Variants in RMST observed in about 807,000 individuals in gnomAD.
The protein encoded by RMST is long intergenic non-protein coding RNA 54.
intron 5 of RMST, among the ~76,000 whole-genome samples, chr12:97,477,727 A>G (rs1399920344): frequency 6.6e-6 from 1 of 152,224 alleles, no homozygotes; most frequent in Non-Finnish European, 1.5e-5. Flanking sequence ...TGTCTCTGCA[A>G]TGAGGAAGAG....
At chr12:97,503,443 T>C (rs1878311212) in intron 10 of RMST, among the ~76,000 whole-genome samples, 1 of 144,416 alleles carries the variant, frequency 6.9e-6, no homozygotes, top group Non-Finnish European at 1.6e-5. Context: ...TTATTGTTTA[T>C]TTTTTTTAAT....
At chr12:97,505,774 G>A (rs911191531) in intron 10 of RMST, among the ~76,000 whole-genome samples, 3 of 152,138 alleles carry the variant, frequency 2.0e-5, no homozygotes, top group Non-Finnish European at 4.4e-5. Flanking sequence ...TCACTGCCAT[G>A]ACAAGGTGCT....
chr12:97,507,336 C>G (rs952227178), intron 10 of RMST, among the ~76,000 whole-genome samples: 16 of 145,848 alleles, frequency 1.1e-4, no homozygotes, highest in Non-Finnish European at 2.2e-4. Context: ...AATATGCATA[C>G]TGGCATGTGG....
chr12:97,506,651 G>A (rs1018021974), intron 10 of RMST, among the ~76,000 whole-genome samples: 4 of 151,114 alleles, frequency 2.6e-5, no homozygotes, highest in East Asian at 1.9e-4. Flanking sequence ...TGAAGCATGC[G>A]GATTGAAGAC....
At chr12:97,463,458 G>A (rs887848396) in intron 4 of RMST, among the ~76,000 whole-genome samples, 3 of 152,202 alleles carry the variant, frequency 2.0e-5, no homozygotes, top group African/African-American at 7.2e-5. Context: ...AATCGTCGGA[G>A]GTGAAGTGTG....
At chr12:97,547,974 C>G (rs970798029) in intron 11 of RMST, among the ~76,000 whole-genome samples, 1 of 151,936 alleles carries the variant, frequency 6.6e-6, no homozygotes, top group African/African-American at 2.4e-5. Context: ...ATTACCTACA[C>G]CAATGTCATG....
chr12:97,556,769 T>C (rs1195687865), intron 11 of RMST, among the ~76,000 whole-genome samples: 2 of 152,162 alleles, frequency 1.3e-5, no homozygotes, highest in East Asian at 3.8e-4. Context: ...TTTTTGAAGT[T>C]ACCCTTTTAA....
At chr12:97,521,746 A>G (rs1193859062) in intron 10 of RMST, among the ~76,000 whole-genome samples, 1 of 152,172 alleles carries the variant, frequency 6.6e-6, no homozygotes, top group Non-Finnish European at 1.5e-5. Flanking sequence ...CTTTAGGCAG[A>G]GCCTCTCTGA....
chr12:97,511,351 G>A (rs1484016359), intron 10 of RMST, among the ~76,000 whole-genome samples: 1 of 152,036 alleles, frequency 6.6e-6, no homozygotes, highest in Non-Finnish European at 1.5e-5. Context: ...GTTTCACCAT[G>A]TTGGCCAGGT....
intron 5 of RMST, among the ~76,000 whole-genome samples, chr12:97,470,426 G>A (rs986533151): frequency 1.3e-5 from 2 of 151,962 alleles, no homozygotes; most frequent in African/African-American, 4.8e-5. Context: ...TTTAGGCCAG[G>A]AAAAAGGAGA....
At chr12:97,482,505 C>T (rs1394227384) in intron 5 of RMST, among the ~76,000 whole-genome samples, 1 of 151,634 alleles carries the variant, frequency 6.6e-6, no homozygotes, top group Non-Finnish European at 1.5e-5. Flanking sequence ...AATATTAATG[C>T]TTTACTTCCG....
At chr12:97,490,335 G>C (rs917671464) in intron 5 of RMST, among the ~76,000 whole-genome samples, 2 of 152,176 alleles carry the variant, frequency 1.3e-5, no homozygotes, top group African/African-American at 4.8e-5. Context: ...CACCATCTAA[G>C]AGAAAACAGA....
chr12:97,520,679 C>T (rs1414400944), intron 10 of RMST, among the ~76,000 whole-genome samples: 1 of 151,948 alleles, frequency 6.6e-6, no homozygotes, highest in African/African-American at 2.4e-5. Flanking sequence ...TTATAAGGGA[C>T]TACCAGACTT....
intron 10 of RMST, among the ~76,000 whole-genome samples, chr12:97,512,850 G>T (rs1879531020): frequency 6.6e-6 from 1 of 151,896 alleles, no homozygotes; most frequent in Admixed American, 6.6e-5. Context: ...GCGTGTCGGG[G>T]AGGCTCCGGG....
Position 97,541,732 on chromosome 12 carries a change from A to AG in RMST, n.1545+10873_1545+10874insG, listed in dbSNP as rs200946930. Among the ~76,000 whole-genome samples the AG allele has an allele frequency of 6.0e-3, 908 of 151,386 alleles. 9 individuals are homozygous for AG. Among genetic ancestry groups the AG allele is most frequent in the African/African-American group, 0.021 (859 of 41,358 alleles). ...ATGGAGGCAGATTTAAAAAAAAAGA[A>AG]AAAGAAAAAGAAAAAGAAGATTCTT... On this transcript the variant is annotated intron_variant and non_coding_transcript_variant, in intron 11 of 13. Transcript: ENST00000640149.
chr12:97,503,615 G>T (rs1878333242), intron 10 of RMST, among the ~76,000 whole-genome samples: 1 of 152,072 alleles, frequency 6.6e-6, no homozygotes, highest in Admixed American at 6.5e-5. Flanking sequence ...GAGCCAAATA[G>T]GCCTCCTCGT....
intron 13 of RMST, chr12:97,563,510 GTGTTT>G (rs1884294129): frequency 3.4e-6 from 1 of 292,870 alleles, no homozygotes; most frequent in Non-Finnish European, 6.6e-6. Context: ...CTTTCCGTAT[GTGTTT>G]CCAAGTTCAA....
At position 97,540,931 on chromosome 12, in the gene RMST, TAGAG is replaced by T. The variant is rs375578070; in HGVS notation, n.1545+10076_1545+10079del. ...TCCATAGATTAGATAGATAAATAGA[TAGAG>T]AGATAGATAGATATAGATATAGATA... On this transcript the variant is annotated intron_variant and non_coding_transcript_variant, in intron 11 of 13. Coordinates refer to ENST00000640149, the Ensembl canonical transcript of RMST. Among the ~76,000 whole-genome samples the T allele has an allele frequency of 3.1e-4, 44 of 139,754 alleles. No homozygotes were observed. The East Asian group carries it at 3.2e-3, about 10-fold the overall frequency. The allele number at this position is 139,754 out of a possible 152,430, so 91.7% of individuals were successfully genotyped here. A position where few individuals can be genotyped will look rare whatever the true frequency, so the allele number is the denominator to read the frequency against.
chr12:97,541,717 A>AT (rs1304206257), intron 11 of RMST, among the ~76,000 whole-genome samples: 1 of 145,050 alleles, frequency 6.9e-6, no homozygotes, highest in African/African-American at 2.7e-5. Flanking sequence ...ATGGAGGCAG[A>AT]TTTAAAAAAA....
Sources: allele counts gnomAD v4.1 joint callset (sites outside exome capture counted in the v4.1 genomes callset), GRCh38; gene constraint gnomAD v4.1.1; transcripts MANE v1.5; gene names NCBI Gene and HGNC (gene_info 2026-07-23, HGNC 2026-07-21).